The following LHFPL2 variants were observed in gnomAD, a reference collection of about 807,000 sequenced individuals.
LHFPL2 encodes LHFPL tetraspan subfamily member 2, also known as LHFPL tetraspan subfamily member 2 protein.
LHFPL2 carries 7 observed loss-of-function variants against 17.5 expected under a neutral mutation model. The ratio of observed to expected loss-of-function variants is 0.40; its 90% CI spans 0.23 to 0.75. The LOEUF (loss-of-function observed/expected upper bound fraction) is 0.75, where lower values mean the gene tolerates loss of function less well. Among genes scored for constraint, LHFPL2 ranks in the 30% least tolerant of loss-of-function variants. The pLI, the probability that LHFPL2 is intolerant of heterozygous loss-of-function variation, is 0.37. For missense variants in LHFPL2, 241 were observed against 294.8 expected, an observed-to-expected ratio of 0.82 and a Z score of 1.34; for synonymous variants, 134 against 116.2, an observed-to-expected ratio of 1.15 and a Z score of -0.99.
At chr5:78,560,555 T>C (rs1451403292) in intron 3 of LHFPL2, among the ~76,000 whole-genome samples, 1 of 152,160 alleles carries the variant, frequency 6.6e-6, no homozygotes, top group African/African-American at 2.4e-5. Context: ...CTGAAAACAC[T>C]GGTTTCATAT....
intron 3 of LHFPL2, among the ~76,000 whole-genome samples, chr5:78,558,545 T>C (rs1347693713): frequency 6.6e-6 from 1 of 152,118 alleles, no homozygotes; most frequent in Non-Finnish European, 1.5e-5. Context: ...TCTTGCTATG[T>C]GGCCCAGGCT....
chr5:78,546,249 T>C (rs6860516), intron 3 of LHFPL2, among the ~76,000 whole-genome samples: 55,025 of 152,186 alleles, frequency 0.36, 10,935 homozygotes, highest in Middle Eastern at 0.47. Context: ...AAATTTCAAC[T>C]TTATATGGGG....
At chr5:78,640,702 G>C (rs1266088357) in intron 1 of LHFPL2, among the ~76,000 whole-genome samples, 1 of 152,160 alleles carries the variant, frequency 6.6e-6, no homozygotes, top group African/African-American at 2.4e-5. Context: ...AAGATAACCA[G>C]TTAAAATTTT....
chr5:78,629,802 A>G (rs531293271), intron 2 of LHFPL2, among the ~76,000 whole-genome samples: 1 of 152,334 alleles, frequency 6.6e-6, no homozygotes, highest in East Asian at 1.9e-4. Flanking sequence ...CAAGGGGCCC[A>G]TGTTGGACAG....
At chr5:78,525,115 C>CA (rs2112348681) in intron 3 of LHFPL2, among the ~76,000 whole-genome samples, 1 of 152,328 alleles carries the variant, frequency 6.6e-6, no homozygotes, top group African/African-American at 2.4e-5. Flanking sequence ...AGCGCGCTCT[C>CA]AGTCGTGGCC....
At chr5:78,558,000 G>T (rs1756627112) in intron 3 of LHFPL2, among the ~76,000 whole-genome samples, 1 of 152,188 alleles carries the variant, frequency 6.6e-6, no homozygotes, top group Non-Finnish European at 1.5e-5. Context: ...AGAGAATAGA[G>T]ATTAAATCAA....
intron 2 of LHFPL2, among the ~76,000 whole-genome samples, chr5:78,579,319 T>TTTG (rs999500026): frequency 1.3e-5 from 2 of 152,056 alleles, no homozygotes; most frequent in African/African-American, 4.8e-5. Context: ...AGGTTTTTTT[T>TTTG]TTGTTGTTGT....
Position 78,632,318 on chromosome 5 carries a change from T to C in LHFPL2, c.-299A>G, listed in dbSNP as rs1745282255. The C allele has an allele frequency of 6.6e-6, 1 of 152,204 alleles. No homozygotes were observed. Among genetic ancestry groups the C allele is most frequent in the Non-Finnish European group, 1.5e-5 (1 of 68,052 alleles). The allele number at this position is 152,204 out of a possible 1,614,324, so 9.4% of individuals were successfully genotyped here. A position where few individuals can be genotyped will look rare whatever the true frequency, so the allele number is the denominator to read the frequency against. On this transcript the variant is annotated 5_prime_UTR_variant, in exon 2 of 5. Transcript: ENST00000380345. ...TTGCATGAGGTGCTTCTTAACAAAA[T>C]GCAGAAACCATAGGCCAGCTGTCAA...
intron 1 of LHFPL2, among the ~76,000 whole-genome samples, chr5:78,635,946 A>C (rs1745433474): frequency 6.6e-6 from 1 of 152,218 alleles, no homozygotes; most frequent in African/African-American, 2.4e-5. Context: ...TGGCCACATT[A>C]GAAGTGTGCC....
At chr5:78,494,462 CAT>C in intron 4 of LHFPL2, 1 of 985,350 alleles carries the variant, frequency 1.0e-6, no homozygotes, top group Non-Finnish European at 1.2e-6. Context: ...CTAACAGCCT[CAT>C]TGTACCAAGG....
intron 3 of LHFPL2, among the ~76,000 whole-genome samples, chr5:78,534,131 G>T (rs77692457): frequency 0.017 from 2,535 of 152,306 alleles, 76 homozygotes; most frequent in African/African-American, 0.058. Context: ...GGTACATGTC[G>T]GAGGCTCTCA....
chr5:78,619,491 A>G (rs1744750970), intron 2 of LHFPL2, among the ~76,000 whole-genome samples: 1 of 149,226 alleles, frequency 6.7e-6, no homozygotes, highest in South Asian at 2.1e-4. Flanking sequence ...TTATTTATAT[A>G]TATATATATT....
At chr5:78,547,497 C>T (rs1397786495) in intron 3 of LHFPL2, among the ~76,000 whole-genome samples, 2 of 152,208 alleles carry the variant, frequency 1.3e-5, no homozygotes, top group Non-Finnish European at 2.9e-5. Context: ...CTTCTTTATA[C>T]TCACTGAGCA....
At chr5:78,545,850 T>C (rs566612592) in intron 3 of LHFPL2, among the ~76,000 whole-genome samples, 40 of 152,328 alleles carry the variant, frequency 2.6e-4, no homozygotes, top group Admixed American at 3.3e-4. Flanking sequence ...CTGGTTCATA[T>C]ACATTTGGAA....
intron 3 of LHFPL2, among the ~76,000 whole-genome samples, chr5:78,523,618 T>G (rs1373067110): frequency 6.6e-6 from 1 of 152,032 alleles, no homozygotes; most frequent in East Asian, 1.9e-4. Flanking sequence ...GAGGACAGAA[T>G]GAGGGTGGCA....
intron 3 of LHFPL2, among the ~76,000 whole-genome samples, chr5:78,535,355 G>T (rs933648063): frequency 6.6e-6 from 1 of 152,166 alleles, no homozygotes; most frequent in Non-Finnish European, 1.5e-5. Context: ...AGATTCCCCA[G>T]ATCTGGAGCT....
chr5:78,636,977 G>A (rs954735820), intron 1 of LHFPL2, among the ~76,000 whole-genome samples: 1 of 152,038 alleles, frequency 6.6e-6, no homozygotes, highest in Admixed American at 6.6e-5. Context: ...ACAGGCAAGG[G>A]TGTCCCTCAG....
At chr5:78,641,939 A>ACACACACACACACATTTTAT (rs1745680649) in intron 1 of LHFPL2, 1 of 152,124 alleles carries the variant, frequency 6.6e-6, no homozygotes, top group Non-Finnish European at 1.5e-5. Context: ...ACACACACAC[A>ACACACACACACACATTTTAT]TATATGCTCA....
At position 78,585,075 on chromosome 5, in the gene LHFPL2, C is replaced by T. The variant is rs1325374423; in HGVS notation, c.-244-20204G>A. 1.6e-3 allele frequency among the ~76,000 whole-genome samples: 142 copies of T among 86,498 alleles called. 16 individuals are homozygous for T. Among genetic ancestry groups the T allele is most frequent in the African/African-American group, 5.8e-3 (138 of 23,708 alleles). The allele number at this position is 86,498 out of a possible 152,430, so 56.7% of individuals were successfully genotyped here. On this transcript the variant is annotated intron_variant, in intron 2 of 4. Coordinates refer to ENST00000380345, the MANE Select transcript of LHFPL2 (RefSeq NM_005779.3). ...AGGCTGGAGTGCAGTGGCGGGATCT[C>T]GGCTCATTGCAAGCTCCACCTCCCG...
Sources: gnomAD v4.1 joint callset for allele counts (sites outside exome capture counted in the v4.1 genomes callset) on GRCh38, gnomAD v4.1.1 for gene constraint, MANE v1.5 for transcripts, NCBI Gene and HGNC (gene_info 2026-07-23, HGNC 2026-07-21) for gene names.